The following CTIF variants were observed in gnomAD, a reference collection of about 807,000 sequenced individuals.
CTIF encodes the protein CBP80/20-dependent translation initiation factor.
CTIF carries 21 observed loss-of-function variants against 66.0 expected under a neutral mutation model. The ratio of observed to expected loss-of-function variants is 0.32; its 90% CI spans 0.23 to 0.46. The LOEUF (loss-of-function observed/expected upper bound fraction) is 0.46. Among genes scored for constraint, CTIF ranks in the 20% least tolerant of loss-of-function variants. The pLI is 1.00. For missense variants in CTIF, 739 were observed against 812.7 expected (o/e 0.91, Z 1.10); for synonymous variants, 345 against 326.4 (o/e 1.06, Z -0.62).
chr18:48,563,329 G>A (rs1026479868), intron 1 of CTIF, among the ~76,000 whole-genome samples: 1 of 152,206 alleles, frequency 6.6e-6, no homozygotes, highest in Non-Finnish European at 1.5e-5. Context: ...TGGTTTGAAG[G>A]TGACTTTTGT....
At chr18:48,776,503 C>G (rs778393650) in intron 9 of CTIF, among the ~76,000 whole-genome samples, 2 of 152,260 alleles carry the variant, frequency 1.3e-5, no homozygotes, top group Non-Finnish European at 2.9e-5. Flanking sequence ...CCTCCCCTCC[C>G]TCAAGTGGTG....
At chr18:48,840,757 G>A (rs1452052907) in intron 10 of CTIF, among the ~76,000 whole-genome samples, 1 of 152,118 alleles carries the variant, frequency 6.6e-6, no homozygotes, top group Non-Finnish European at 1.5e-5. Context: ...TCCCTACCCA[G>A]TTGGTCCTTG....
chr18:48,645,876 G>A (rs2091022055), intron 3 of CTIF, among the ~76,000 whole-genome samples: 1 of 152,206 alleles, frequency 6.6e-6, no homozygotes, highest in African/African-American at 2.4e-5. Context: ...CTTCCACCTG[G>A]CAATAATGAG....
intron 2 of CTIF, among the ~76,000 whole-genome samples, chr18:48,626,127 G>A (rs546861511): frequency 2.1e-5 from 3 of 145,438 alleles, no homozygotes; most frequent in East Asian, 4.2e-4. Flanking sequence ...TCAGCCTCCC[G>A]AGTAGCTGGG....
intron 5 of CTIF, among the ~76,000 whole-genome samples, chr18:48,667,334 A>G (rs148284305): frequency 1.3e-5 from 2 of 152,308 alleles, no homozygotes; most frequent in Non-Finnish European, 2.9e-5. Context: ...AATAAAGTCA[A>G]TGCAAAAGGG....
chr18:48,709,767 C>T lies in CTIF; in HGVS notation c.508-1852C>T, dbSNP rs1479288750. ...TATTTGTGTTTTGTATTAAAGAAAACAAATAATATCCTTTGAGAAAACCAT... is the reference window on the plus strand; with the variant it reads ...TATTTGTGTTTTGTATTAAAGAAAATAAATAATATCCTTTGAGAAAACCAT... On this transcript the variant is annotated intron_variant, in intron 6 of 11. Coordinates refer to ENST00000256413, the MANE Select transcript of CTIF (RefSeq NM_014772.3). 2.0e-5 allele frequency among the ~76,000 whole-genome samples: 3 copies of T among 152,180 alleles called. No homozygotes were observed. In the East Asian group the frequency reaches 5.8e-4, roughly 29 times the overall value.
intron 4 of CTIF, 104 bp from the exon 5 acceptor site, chr18:48,664,343 T>C (rs2091397882): frequency 1.9e-6 from 2 of 1,046,528 alleles, no homozygotes; most frequent in South Asian, 2.7e-5. Context: ...TGGCGGCTCC[T>C]TTCTGCGGAT....
Position 48,611,117 on chromosome 18 carries a change from C to T in CTIF, c.-28-8421C>T, listed in dbSNP as rs539046749. 2.0e-5 allele frequency among the ~76,000 whole-genome samples: 3 copies of T among 152,324 alleles called. No individual in the cohort carries two copies. The South Asian group carries it at 6.2e-4, about 32-fold the overall frequency. On this transcript the variant is annotated intron_variant, in intron 1 of 11. Transcript: ENST00000256413. ...ATAGATACCTGAGTGGCTCCCAGTA[C>T]GTCATTCCCCCTTCAGCCCCCAAGG...
intron 1 of CTIF, among the ~76,000 whole-genome samples, chr18:48,613,432 G>A (rs2090344795): frequency 6.6e-6 from 1 of 152,142 alleles, no homozygotes; most frequent in Admixed American, 6.5e-5. Flanking sequence ...ACAGAGTGCT[G>A]GGCTGAGAGC....
intron 7 of CTIF, among the ~76,000 whole-genome samples, chr18:48,717,894 T>G (rs1318466824): frequency 1.3e-5 from 2 of 152,006 alleles, no homozygotes; most frequent in Non-Finnish European, 2.9e-5. Context: ...CACACCTGAC[T>G]AATTTTATTT....
intron 10 of CTIF, among the ~76,000 whole-genome samples, chr18:48,835,554 G>C (rs563021118): frequency 1.9e-3 from 287 of 152,240 alleles, no homozygotes; most frequent in African/African-American, 6.7e-3. Context: ...ATCCTCAAAG[G>C]GATCCATGCT....
At chr18:48,700,844 C>T (rs1055645267) in intron 6 of CTIF, among the ~76,000 whole-genome samples, 1 of 152,234 alleles carries the variant, frequency 6.6e-6, no homozygotes, top group African/African-American at 2.4e-5. Context: ...GTCTTGTTTT[C>T]CTGTGTCTGT....
At chr18:48,653,734 G>A (rs146158388) in intron 3 of CTIF, among the ~76,000 whole-genome samples, 2,797 of 152,272 alleles carry the variant, frequency 0.018, 49 homozygotes, top group Non-Finnish European at 0.028. Flanking sequence ...TATGCTGCAA[G>A]GCTACAGTAA....
chr18:48,613,727 CCAGA>C (rs1238430212), intron 1 of CTIF, among the ~76,000 whole-genome samples: 6 of 152,172 alleles, frequency 3.9e-5, no homozygotes, highest in Non-Finnish European at 8.8e-5. Flanking sequence ...ATCCCTTTCC[CCAGA>C]CAGACACAGA....
chr18:48,842,767 T>G (rs1226230933), intron 10 of CTIF, among the ~76,000 whole-genome samples: 1 of 152,250 alleles, frequency 6.6e-6, no homozygotes, highest in Non-Finnish European at 1.5e-5. Flanking sequence ...AATTTCCTGT[T>G]TGATTGTTTA....
At chr18:48,763,826 C>T (rs142614677) in intron 9 of CTIF, among the ~76,000 whole-genome samples, 99 of 152,268 alleles carry the variant, frequency 6.5e-4, no homozygotes, top group African/African-American at 2.3e-3. Context: ...TCTCATGCTC[C>T]TGAGGCCTTG....
chr18:48,634,027 A>T (rs149694807), intron 2 of CTIF, among the ~76,000 whole-genome samples: 1 of 152,078 alleles, frequency 6.6e-6, no homozygotes, highest in African/African-American at 2.4e-5. Flanking sequence ...CCAGGATCCA[A>T]ATTTGCATGT....
At chr18:48,711,114 A>AT (rs2145481157) in intron 6 of CTIF, among the ~76,000 whole-genome samples, 1 of 152,330 alleles carries the variant, frequency 6.6e-6, no homozygotes, top group South Asian at 2.1e-4. Flanking sequence ...GGTTTAGGAG[A>AT]CAAATTTCCT....
chr18:48,573,260 G>A (rs756463527), intron 1 of CTIF, among the ~76,000 whole-genome samples: 8 of 152,190 alleles, frequency 5.3e-5, no homozygotes, highest in Non-Finnish European at 8.8e-5. Context: ...GGTCAGAGCA[G>A]CTTTAAAACA....
Sources: allele counts gnomAD v4.1 joint callset (sites outside exome capture counted in the v4.1 genomes callset), GRCh38; gene constraint gnomAD v4.1.1; transcripts MANE v1.5; gene names NCBI Gene and HGNC (gene_info 2026-07-23, HGNC 2026-07-21).